LIMCH1: variants seen among roughly 807,000 people sequenced by gnomAD.
LIMCH1 encodes LIM and calponin homology domains 1.
In LIMCH1, 113 loss-of-function variants were observed where a neutral mutation model predicts 176.5. The ratio of observed to expected loss-of-function variants is 0.64; its 90% CI spans 0.55 to 0.75. LIMCH1 has a LOEUF of 0.75. LIMCH1 is among the 30% of genes least tolerant of loss of function. The pLI is 0.00. For missense variants in LIMCH1, 1,674 were observed against 1,814.9 expected (o/e 0.92, Z 1.41); for synonymous variants, 619 against 645.9 (o/e 0.96, Z 0.63).
chr4:41,638,929 T>G lies in LIMCH1; in HGVS notation c.2091-3T>G. ...TCCTCTAATTTTTTATTTGATCTTA[T>G]AGATACGGTCCGAGAACTCCTGTGT... On this transcript the variant is annotated splice_region_variant and splice_polypyrimidine_tract_variant and intron_variant, in intron 13 of 31. Coordinates refer to ENST00000503057, the MANE Select transcript of LIMCH1 (RefSeq NM_001330672.2). 1 of 1,607,676 alleles carries G rather than the reference T, an allele frequency of 6.2e-7. No homozygotes were observed. The highest frequency in any genetic ancestry group is 8.5e-7 in the Non-Finnish European group (1 of 1,177,648).
At chr4:41,505,128 T>G (rs1008067083) in intron 2 of LIMCH1, among the ~76,000 whole-genome samples, 3 of 152,198 alleles carry the variant, frequency 2.0e-5, no homozygotes, top group African/African-American at 7.2e-5. Flanking sequence ...AATGTTAACT[T>G]TCCCCCGTTC....
rs1716702269 is a variant in LIMCH1 at position 41,682,378 on chromosome 4, A to G, written c.3763A>G (p.Arg1255Gly). 1 of 1,612,878 alleles carries G rather than the reference A, an allele frequency of 6.2e-7. No individual in the cohort carries two copies. The highest frequency in any genetic ancestry group is 8.5e-7 in the Non-Finnish European group (1 of 1,178,970). ...CTGTCAAGATGAAAAACAAGACAGAAGATGGAAGAAATCATTCCAGGGAGA... is the reference window on the plus strand; with the variant it reads ...CTGTCAAGATGAAAAACAAGACAGAGGATGGAAGAAATCATTCCAGGGAGA... ...GNCQDEKQDRRWKKSFQGDDS... is the reference protein window; with the variant it reads ...GNCQDEKQDRGWKKSFQGDDS... The change falls in exon 26 of 32, where the codon AGA (arginine) becomes GGA (glycine). Residue 1255 changes from arginine to glycine, a missense_variant. Physicochemically the swap from Arg to Gly is moderately radical, Grantham distance 125. Transcript: ENST00000503057.
At chr4:41,467,158 T>TACAC (rs148147336) in intron 1 of LIMCH1, among the ~76,000 whole-genome samples, 3,906 of 143,420 alleles carry the variant, frequency 0.027, 81 homozygotes, top group Non-Finnish European at 0.036. Flanking sequence ...TATGTATATA[T>TACAC]ACACACACAC....
chr4:41,480,397 G>A (rs1303751103), intron 1 of LIMCH1, among the ~76,000 whole-genome samples: 2 of 152,042 alleles, frequency 1.3e-5, no homozygotes, highest in Non-Finnish European at 2.9e-5. Flanking sequence ...TCAGGAGGTC[G>A]AGAGATCGAG....
At chr4:41,605,692 G>T (rs371319979) in intron 3 of LIMCH1, among the ~76,000 whole-genome samples, 1 of 150,314 alleles carries the variant, frequency 6.7e-6, no homozygotes. Context: ...CTACTCAACC[G>T]TGTTTGTGTT....
At chr4:41,582,765 G>A (rs530621130) in intron 1 of LIMCH1, among the ~76,000 whole-genome samples, 1 of 152,266 alleles carries the variant, frequency 6.6e-6, no homozygotes, top group African/African-American at 2.4e-5. Flanking sequence ...CAATAAGTCA[G>A]TAATGATGAT....
At chr4:41,622,701 T>C (rs1472757231) in intron 7 of LIMCH1, among the ~76,000 whole-genome samples, 5 of 152,298 alleles carry the variant, frequency 3.3e-5, no homozygotes, top group Middle Eastern at 3.4e-3. Flanking sequence ...AAACATCAAA[T>C]CATAGTTTAA....
At chr4:41,479,309 G>A (rs1020665982) in intron 1 of LIMCH1, among the ~76,000 whole-genome samples, 4 of 152,136 alleles carry the variant, frequency 2.6e-5, no homozygotes, top group African/African-American at 9.7e-5. Flanking sequence ...CTAGAGCACA[G>A]TGCTGTGATC....
At chr4:41,524,196 A>G (rs185866052) in intron 2 of LIMCH1, among the ~76,000 whole-genome samples, 149 of 152,274 alleles carry the variant, frequency 9.8e-4, no homozygotes, top group Non-Finnish European at 1.5e-3. Flanking sequence ...CAACATTTCT[A>G]AATTCTAAAA....
chr4:41,410,289 T>C (rs2059364221), intron 1 of LIMCH1, among the ~76,000 whole-genome samples: 1 of 152,200 alleles, frequency 6.6e-6, no homozygotes, highest in African/African-American at 2.4e-5. Flanking sequence ...TCCTAGGGCC[T>C]GTAGATTGCA....
intron 2 of LIMCH1, among the ~76,000 whole-genome samples, chr4:41,600,279 A>G (rs886513335): frequency 6.7e-4 from 102 of 152,212 alleles, no homozygotes; most frequent in African/African-American, 2.4e-3. Flanking sequence ...CACATGCCCC[A>G]TTTATTATTG....
chr4:41,646,484 G>C lies in LIMCH1; in HGVS notation c.2412-1G>C. 1 of 1,611,754 alleles carries C rather than the reference G, an allele frequency of 6.2e-7. No individual in the cohort carries two copies. Among genetic ancestry groups the C allele is most frequent in the Non-Finnish European group, 8.5e-7 (1 of 1,178,328 alleles). On this transcript the variant is annotated splice_acceptor_variant, in intron 16 of 31. Transcript: ENST00000503057. LOFTEE classifies it high-confidence loss of function. Reference sequence around the variant, plus strand: ...GTTATTGCTTCTCCCATGTCCTTTAGAGAGCGGAGAGAGAGAGAGCTGCAT... The same window carrying C: ...GTTATTGCTTCTCCCATGTCCTTTACAGAGCGGAGAGAGAGAGAGCTGCAT...
chr4:41,640,823 G>A (rs533481271), intron 14 of LIMCH1, among the ~76,000 whole-genome samples: 1 of 152,144 alleles, frequency 6.6e-6, no homozygotes, highest in South Asian at 2.1e-4. Flanking sequence ...AAAAAAAGAT[G>A]AGCCCTTTAA....
At chr4:41,401,895 T>C (rs2058478125) in intron 1 of LIMCH1, among the ~76,000 whole-genome samples, 1 of 152,186 alleles carries the variant, frequency 6.6e-6, no homozygotes, top group Admixed American at 6.5e-5. Context: ...ATCCTGAGAC[T>C]TTGCTGAAGT....
intron 5 of LIMCH1, among the ~76,000 whole-genome samples, chr4:41,614,681 C>T (rs2091870885): frequency 6.6e-6 from 1 of 152,162 alleles, no homozygotes; most frequent in Non-Finnish European, 1.5e-5. Flanking sequence ...ATTTAGTCCT[C>T]AGCTGAGATT....
At chr4:41,631,087 TAAAAACC>T in intron 9 of LIMCH1, 54 bp from the exon 10 acceptor site, 4 of 1,304,644 alleles carry the variant, frequency 3.1e-6, no homozygotes, top group African/African-American at 1.7e-5. Flanking sequence ...GTTTTTTTTT[TAAAAACC>T]TCTTATTGAT....
intron 1 of LIMCH1, among the ~76,000 whole-genome samples, chr4:41,387,513 A>G (rs1474148773): frequency 7.9e-5 from 12 of 152,266 alleles, no homozygotes; most frequent in Non-Finnish European, 1.3e-4. Context: ...ATGTTCTTAA[A>G]TAACAGGACT....
At chr4:41,618,610 A>G (rs553381899) in intron 5 of LIMCH1, among the ~76,000 whole-genome samples, 3 of 152,350 alleles carry the variant, frequency 2.0e-5, no homozygotes, top group South Asian at 4.1e-4. Flanking sequence ...AAGAGCTCCC[A>G]TGCAGAGGAA....
At chr4:41,390,380 A>G (rs998256283) in intron 1 of LIMCH1, among the ~76,000 whole-genome samples, 4 of 151,542 alleles carry the variant, frequency 2.6e-5, no homozygotes, top group South Asian at 4.2e-4. Flanking sequence ...TTCTGTGTTT[A>G]TGTGTTCTGC....
Sources: gnomAD v4.1 joint callset for allele counts (sites outside exome capture counted in the v4.1 genomes callset) on GRCh38, gnomAD v4.1.1 for gene constraint, MANE v1.5 for transcripts, NCBI Gene and HGNC (gene_info 2026-07-23, HGNC 2026-07-21) for gene names.